Variants in GLT1D1 observed in about 807,000 individuals in gnomAD.
The protein encoded by GLT1D1 is glycosyltransferase 1 domain-containing protein 1.
GLT1D1 carries 21 observed loss-of-function variants against 28.7 expected under a neutral mutation model. The ratio of observed to expected loss-of-function variants is 0.73; its 90% CI spans 0.52 to 1.05. The LOEUF (loss-of-function observed/expected upper bound fraction) is 1.05, where lower values mean the gene tolerates loss of function less well. Ranked by LOEUF, GLT1D1 falls within the 50% of genes least tolerant of loss-of-function variation. The probability of loss-of-function intolerance (pLI) is 0.00; values close to 1 mark genes in which losing one functional copy is unlikely to be tolerated. For synonymous variants in GLT1D1, 147 were observed against 124.8 expected (o/e 1.18, Z -1.19); for missense variants, 343 against 330.6 (o/e 1.04, Z -0.29).
At chr12:128,960,155 C>G (rs1877788301) in intron 7 of GLT1D1, among the ~76,000 whole-genome samples, 2 of 152,100 alleles carry the variant, frequency 1.3e-5, no homozygotes, top group African/African-American at 4.8e-5. Flanking sequence ...TATTTTGATT[C>G]CAGCGCTTTC....
At chr12:128,949,194 A>G (rs1303610003) in intron 6 of GLT1D1, among the ~76,000 whole-genome samples, 1 of 152,206 alleles carries the variant, frequency 6.6e-6, no homozygotes, top group Admixed American at 6.5e-5. Context: ...CAACTTCTTA[A>G]GGAAAGGTAG....
In GLT1D1 at chr12:128,980,993, T is replaced by C. The variant is rs2135560492; in HGVS notation, c.640-1936T>C. Among the ~76,000 whole-genome samples the C allele has an allele frequency of 2.6e-5, 4 of 152,312 alleles. 1 individual carries two copies. The South Asian group carries it at 8.3e-4, about 32-fold the overall frequency. On this transcript the variant is annotated intron_variant, in intron 7 of 7. Transcript: ENST00000281703. ...TGGATTTCTCACGTCTACAGGCGCG[T>C]GTCCAGCAGATTCCCGATGCAGCCA...
chr12:128,874,102 C>G (rs12830772), intron 1 of GLT1D1, among the ~76,000 whole-genome samples: 17 of 40,116 alleles, frequency 4.2e-4, no homozygotes, highest in African/African-American at 2.1e-3. Context: ...CTTTCTTTCT[C>G]TCTCTCTCTC....
chr12:128,937,303 AGGTGG>A lies in GLT1D1; in HGVS notation c.376-8019_376-8015del, dbSNP rs1464679454. Among the ~76,000 whole-genome samples, 3 of 152,294 alleles carry A rather than the reference AGGTGG, an allele frequency of 2.0e-5. No homozygotes were observed. The East Asian group carries it at 5.8e-4, about 29-fold the overall frequency. ...AAGGCATCAGAAATGGGAAATGGAA[AGGTGG>A]GGTCTGCTGGAAATCATTCTTTTTG... On this transcript the variant is annotated intron_variant, in intron 4 of 7. Transcript: ENST00000281703.
At position 128,983,098 on chromosome 12, in the gene GLT1D1, G is replaced by A. The variant is rs1490580847; in HGVS notation, c.*8G>A. On this transcript the variant is annotated 3_prime_UTR_variant, in exon 8 of 8. Coordinates refer to ENST00000281703, the MANE Select transcript of GLT1D1 (RefSeq NM_144669.3). This position sits in a 1 kb window ranked among gnomAD's most constrained non-coding sequence, Gnocchi z 4.7. ...GGAAGCACTGAAGATTGAGGGCCCC[G>A]CCTCATCAGACACCTGCTCTCTGAC... 9.9e-6 allele frequency: 16 copies of A among 1,612,416 alleles called. No individual in the cohort carries two copies. Among genetic ancestry groups the A allele is most frequent in the Admixed American group, 3.3e-5 (2 of 59,992 alleles).
At chr12:128,938,716 C>T (rs746765848) in intron 4 of GLT1D1, among the ~76,000 whole-genome samples, 17 of 152,158 alleles carry the variant, frequency 1.1e-4, no homozygotes, top group Admixed American at 3.3e-4. Context: ...CCTTCACTCC[C>T]GGCTCATCAG....
chr12:128,853,861 G>A (rs925723619), intron 1 of GLT1D1, among the ~76,000 whole-genome samples: 2 of 152,134 alleles, frequency 1.3e-5, no homozygotes, highest in Non-Finnish European at 2.9e-5. Context: ...GGGTCTCCGT[G>A]CGGCCGGCGC....
chr12:128,948,288 CA>C (rs1876337257), intron 6 of GLT1D1, among the ~76,000 whole-genome samples: 1 of 152,164 alleles, frequency 6.6e-6, no homozygotes, highest in Non-Finnish European at 1.5e-5. Context: ...GCATGTGTCT[CA>C]CAGAAAAAGA....
At chr12:128,933,599 T>C (rs1420508530) in intron 4 of GLT1D1, among the ~76,000 whole-genome samples, 1 of 152,194 alleles carries the variant, frequency 6.6e-6, no homozygotes, top group Non-Finnish European at 1.5e-5. Context: ...TGTGGGTCCG[T>C]GGGTGTGTTG....
chr12:128,977,818 G>C (rs1303455116), intron 7 of GLT1D1, among the ~76,000 whole-genome samples: 1 of 138,832 alleles, frequency 7.2e-6, no homozygotes, highest in Admixed American at 7.6e-5. Flanking sequence ...CACTCTTGTC[G>C]CCCAGGCTGG....
chr12:128,896,574 AC>A (rs1869651958), intron 3 of GLT1D1, among the ~76,000 whole-genome samples: 2 of 133,514 alleles, frequency 1.5e-5, no homozygotes, highest in African/African-American at 5.7e-5. Context: ...AATGACACAT[AC>A]TTTTTTTTTT....
intron 6 of GLT1D1, among the ~76,000 whole-genome samples, chr12:128,950,662 GTCTTATGACTGTTCTGC>G (rs1876604756): frequency 6.6e-6 from 1 of 152,152 alleles, no homozygotes; most frequent in African/African-American, 2.4e-5. Flanking sequence ...GCTGCTGAGT[GTCTTATGACTGTTCTGC>G]AGGGTAGAAC....
intron 4 of GLT1D1, among the ~76,000 whole-genome samples, chr12:128,918,778 G>C (rs1007340217): frequency 6.6e-6 from 1 of 152,206 alleles, no homozygotes. Context: ...ACGCAATGGC[G>C]TTGTAACTAA....
At chr12:128,894,823 C>T (rs1165657766) in intron 3 of GLT1D1, among the ~76,000 whole-genome samples, 3 of 151,880 alleles carry the variant, frequency 2.0e-5, no homozygotes, top group East Asian at 1.9e-4. Context: ...GCACTCCAAC[C>T]TGGGTAACAG....
In GLT1D1 at chr12:128,903,147, C is replaced by T. The variant is rs535587034; in HGVS notation, c.375+3860C>T. On this transcript the variant is annotated intron_variant, in intron 4 of 7. Coordinates refer to ENST00000281703, the MANE Select transcript of GLT1D1 (RefSeq NM_144669.3). ...CCTCCACCATAAATCCTTCCTTGAC[C>T]CTCCAGAATTGGCATAGATGAGTTC... is the stretch of plus-strand genomic sequence containing the variant. Among the ~76,000 whole-genome samples the T allele has an allele frequency of 1.6e-4, 25 of 151,824 alleles. 1 individual carries two copies. The highest frequency in any genetic ancestry group is 5.8e-4 in the African/African-American group (24 of 41,184).
At chr12:128,879,862 C>T (rs1956994866) in intron 2 of GLT1D1, among the ~76,000 whole-genome samples, 2 of 152,224 alleles carry the variant, frequency 1.3e-5, no homozygotes, top group Admixed American at 6.5e-5. Flanking sequence ...AGCTACTTTT[C>T]CAAATCCACA....
At chr12:128,864,379 C>A (rs183259559) in intron 1 of GLT1D1, among the ~76,000 whole-genome samples, 58 of 151,904 alleles carry the variant, frequency 3.8e-4, no homozygotes, top group African/African-American at 1.4e-3. Context: ...TTAGGGAAGC[C>A]GAAGAAGAGG....
Position 128,858,670 on chromosome 12 carries a change from C to CAAAA in GLT1D1, c.68+5034_68+5037dup, listed in dbSNP as rs139166927. Among the ~76,000 whole-genome samples the CAAAA allele has an allele frequency of 1.4e-3, 154 of 113,794 alleles. 1 individual carries two copies. The highest frequency in any genetic ancestry group is 4.5e-3 in the African/African-American group (147 of 32,340). The allele number at this position is 113,794 out of a possible 152,430, so 74.7% of individuals were successfully genotyped here. Reference sequence around the variant, plus strand: ...TGGGCAACAGAGGGGGACTCAGTCTCAAAAAAAAAAAAAAAATCTCCATTA... The same window carrying CAAAA: ...TGGGCAACAGAGGGGGACTCAGTCTCAAAAAAAAAAAAAAAAAAAATCTCCATTA... On this transcript the variant is annotated intron_variant, in intron 1 of 7. Transcript: ENST00000281703.
chr12:128,892,866 T>G (rs990762932), intron 3 of GLT1D1, among the ~76,000 whole-genome samples: 3 of 152,306 alleles, frequency 2.0e-5, no homozygotes, highest in Middle Eastern at 6.8e-3. Flanking sequence ...ACTTGATAAT[T>G]ACATTATCAA....
Sources: allele counts gnomAD v4.1 joint callset (sites outside exome capture counted in the v4.1 genomes callset), GRCh38; gene constraint gnomAD v4.1.1; non-coding constraint Gnocchi (gnomAD v3.1); transcripts MANE v1.5; gene names NCBI Gene and HGNC (gene_info 2026-07-23, HGNC 2026-07-21).